PCDHGA4: variants seen among roughly 807,000 people sequenced by gnomAD.
The protein encoded by PCDHGA4 is protocadherin gamma subfamily A, 4.
Under a neutral mutation model 54.6 loss-of-function variants are expected in PCDHGA4, and 38 were observed. That is an observed-to-expected ratio of 0.70 (90% CI 0.54 to 0.91). The LOEUF (loss-of-function observed/expected upper bound fraction) is 0.91, where lower values mean the gene tolerates loss of function less well. Ranked by LOEUF, PCDHGA4 falls within the 40% of genes least tolerant of loss-of-function variation. PCDHGA4 has a pLI of 0.00. For synonymous variants in PCDHGA4, 511 were observed against 512.9 expected (o/e 1.00, Z 0.05); for missense variants, 1,298 against 1,220.9 (o/e 1.06, Z -0.94).
intron 1 of PCDHGA4, among the ~76,000 whole-genome samples, chr5:141,406,328 C>T (rs1235799294): frequency 1.3e-5 from 2 of 152,062 alleles, no homozygotes; most frequent in Non-Finnish European, 2.9e-5. Context: ...ATTCTTACTC[C>T]TACGATCATT....
intron 1 of PCDHGA4, chr5:141,413,736 G>C: frequency 6.2e-7 from 1 of 1,613,452 alleles, no homozygotes; most frequent in South Asian, 1.1e-5. Context: ...TAAGAGTTCA[G>C]AGCCGTGCCA....
rs144490159 is a variant in PCDHGA4, at chr5:141,418,260, G to A, written c.2514+60639G>A. The A allele has an allele frequency of 5.0e-3, 7,995 of 1,614,000 alleles. 44 individuals carry two copies. Among genetic ancestry groups the A allele is most frequent in the Admixed American group, 9.4e-3 (566 of 60,026 alleles). ...GTTAATGACCACGCCCCTCAATTCCGGAAAGATGAAATAAACTTAGAAATC... is the reference window on the plus strand; with the variant it reads ...GTTAATGACCACGCCCCTCAATTCCAGAAAGATGAAATAAACTTAGAAATC... On this transcript the variant is annotated intron_variant, in intron 1 of 3. Coordinates refer to ENST00000571252, the MANE Select transcript of PCDHGA4 (RefSeq NM_018917.4).
chr5:141,365,279 A>T (rs1222527527), intron 1 of PCDHGA4: 1 of 1,613,978 alleles, frequency 6.2e-7, no homozygotes, highest in Non-Finnish European at 8.5e-7. Flanking sequence ...ATTCTACCTC[A>T]TGGAAGTGGT....
At position 141,355,477 on chromosome 5, in the gene PCDHGA4, G is replaced by A; in HGVS notation, c.370G>A (p.Glu124Lys). The part of the protein sequence containing the change: ...TLVTAGRIDR[E>K]ELCDRSPNCV... ...GGTCACCGCGGGTAGGATAGACAGG[G>A]AGGAGCTCTGCGACAGATCTCCAAA... Residue 124 changes from glutamate to lysine, a missense_variant, in exon 1 of 4, where the codon GAG (glutamate) becomes AAG (lysine). By Grantham distance (56) the Glu-to-Lys change is moderately conservative. Transcript: ENST00000571252. The A allele has an allele frequency of 6.2e-7, 1 of 1,614,072 alleles. No individual in the cohort carries two copies. The highest frequency in any genetic ancestry group is 8.5e-7 in the Non-Finnish European group (1 of 1,179,906).
At position 141,431,098 on chromosome 5, in the gene PCDHGA4, A is replaced by G; in HGVS notation, c.2515-63709A>G. The G allele has an allele frequency of 6.2e-7, 1 of 1,614,260 alleles. No homozygotes were observed. The highest frequency in any genetic ancestry group is 8.5e-7 in the Non-Finnish European group (1 of 1,180,040). On this transcript the variant is annotated intron_variant, in intron 1 of 3. Transcript: ENST00000571252. This position sits in a 1 kb window ranked among gnomAD's most constrained non-coding sequence, Gnocchi z 4.8. ...ATCTAGACATTCTGATGGAGGATAA[A>G]GTGAAAATATATGGAGTAGAAGTAG...
chr5:141,371,271 A>C (rs1251715871), intron 1 of PCDHGA4: 2 of 1,613,938 alleles, frequency 1.2e-6, no homozygotes, highest in Non-Finnish European at 1.7e-6. Flanking sequence ...ACAACTGTTC[A>C]AGCTGGACAG....
At chr5:141,401,833 TATA>T (rs947293983) in intron 1 of PCDHGA4, among the ~76,000 whole-genome samples, 12 of 152,238 alleles carry the variant, frequency 7.9e-5, no homozygotes, top group African/African-American at 2.9e-4. Context: ...TGAGATTTCT[TATA>T]ATACCACTTA....
chr5:141,421,650 A>G, intron 1 of PCDHGA4: 1 of 1,613,868 alleles, frequency 6.2e-7, no homozygotes, highest in South Asian at 1.1e-5. Flanking sequence ...AAGTGGAGAT[A>G]AAAGTCAGTG....
intron 1 of PCDHGA4, among the ~76,000 whole-genome samples, chr5:141,363,685 C>T (rs1188372642): frequency 2.6e-5 from 4 of 152,198 alleles, no homozygotes; most frequent in Admixed American, 2.6e-4. Context: ...GCTAATATAA[C>T]TTACATAAAT....
Position 141,385,046 on chromosome 5 carries a change from T to C in PCDHGA4, c.2514+27425T>C, listed in dbSNP as rs777247092. 1.9e-6 allele frequency: 3 copies of C among 1,614,038 alleles called. No homozygotes were observed. The Admixed American group carries it at 5.0e-5, about 27-fold the overall frequency. Reference sequence around the variant, plus strand: ...GTCCTCGTACTGCTGGCGCTCAGGCTGCGGCGCTGGCACAAGTCACGCCTG... The same window carrying C: ...GTCCTCGTACTGCTGGCGCTCAGGCCGCGGCGCTGGCACAAGTCACGCCTG... On this transcript the variant is annotated intron_variant, in intron 1 of 3. Coordinates refer to ENST00000571252, the MANE Select transcript of PCDHGA4 (RefSeq NM_018917.4).
At chr5:141,358,113 C>G (rs1434059744) in intron 1 of PCDHGA4, among the ~76,000 whole-genome samples, 1 of 152,208 alleles carries the variant, frequency 6.6e-6, no homozygotes, top group Admixed American at 6.5e-5. Flanking sequence ...TTGCTTGAAC[C>G]TGGGAGGCAG....
Position 141,487,564 on chromosome 5 carries a change from G to A in PCDHGA4, c.2515-7243G>A, listed in dbSNP as rs1436847912. ...AGTCACCCAGTGCACCTATGGCAGG[G>A]GAGCCTGTTCGCCCAAGCTGCCCAC... On this transcript the variant is annotated intron_variant, in intron 1 of 3. Coordinates refer to ENST00000571252, the MANE Select transcript of PCDHGA4 (RefSeq NM_018917.4). This position sits in a 1 kb window ranked among gnomAD's most constrained non-coding sequence, Gnocchi z 5.0. 3 of 1,614,178 alleles carry A rather than the reference G, an allele frequency of 1.9e-6. No homozygotes were observed. Among genetic ancestry groups the A allele is most frequent in the Non-Finnish European group, 2.5e-6 (3 of 1,180,040 alleles).
chr5:141,382,666 G>A (rs910632221), intron 1 of PCDHGA4: 20 of 422,596 alleles, frequency 4.7e-5, no homozygotes, highest in African/African-American at 3.6e-4. Flanking sequence ...TCACAGCGCC[G>A]CTGTTCACCA....
chr5:141,361,552 C>T, intron 1 of PCDHGA4: 1 of 1,614,060 alleles, frequency 6.2e-7, no homozygotes, highest in Non-Finnish European at 8.5e-7. Flanking sequence ...CTCTATCGCT[C>T]AAATCAGTGC....
chr5:141,356,414 T>C lies in PCDHGA4; in HGVS notation c.1307T>C (p.Leu436Ser). 1 of 1,602,126 alleles carries C rather than the reference T, an allele frequency of 6.2e-7. No individual in the cohort carries two copies. Among genetic ancestry groups the C allele is most frequent in the Non-Finnish European group, 8.5e-7 (1 of 1,173,450 alleles). The change falls in exon 1 of 4, where the codon TTG (leucine) becomes TCG (serine). Residue 436 changes from leucine (L) to serine (S), a missense_variant. Coordinates refer to ENST00000571252, the MANE Select transcript of PCDHGA4 (RefSeq NM_018917.4). ...EKTYGNYYRL[L>S]THRTLDREEV... is the part of the protein sequence containing the mutation. ...ACCTATGGAAATTATTATCGGTTGT[T>C]GACACACAGAACACTGGACAGGGAA...
chr5:141,415,759 T>TG (rs2095937522), intron 1 of PCDHGA4: 3 of 1,352,056 alleles, frequency 2.2e-6, no homozygotes, highest in Non-Finnish European at 2.9e-6. Flanking sequence ...TTTTTTTTTT[T>TG]TTTTTTTTTT....
intron 1 of PCDHGA4, chr5:141,366,887 A>T (rs1444897635): frequency 9.5e-6 from 12 of 1,269,488 alleles, no homozygotes; most frequent in Non-Finnish European, 1.3e-5. Flanking sequence ...AATTTTTTTT[A>T]TATAATTCAT....
intron 1 of PCDHGA4, among the ~76,000 whole-genome samples, chr5:141,401,895 T>C (rs184400858): frequency 3.8e-4 from 58 of 152,342 alleles, no homozygotes; most frequent in African/African-American, 1.1e-3. Context: ...GTGTTCTTTT[T>C]CCCAAATTAT....
At chr5:141,392,728 G>A in intron 1 of PCDHGA4, 3 of 1,407,730 alleles carry the variant, frequency 2.1e-6, no homozygotes, top group Non-Finnish European at 2.8e-6. Flanking sequence ...CCGGAGGATT[G>A]TCATCTCCAT....
Sources: gnomAD v4.1 joint callset for allele counts (sites outside exome capture counted in the v4.1 genomes callset) on GRCh38, gnomAD v4.1.1 for gene constraint, Gnocchi (gnomAD v3.1) non-coding constraint, MANE v1.5 for transcripts, NCBI Gene and HGNC (gene_info 2026-07-23, HGNC 2026-07-21) for gene names.